The following DOP1A variants were observed in gnomAD, a reference collection of about 807,000 sequenced individuals.
DOP1A encodes the protein DOP1 leucine zipper like protein A, also known as protein DOP1A.
Under a neutral mutation model 267.6 loss-of-function variants are expected in DOP1A, and 90 were observed. The observed-to-expected ratio is 0.34, with a 90% CI of 0.28 to 0.40. DOP1A has a LOEUF of 0.40. Among genes scored for constraint, DOP1A ranks in the 10% least tolerant of loss-of-function variants. The pLI, the probability that DOP1A is intolerant of heterozygous loss-of-function variation, is 1.00. For synonymous variants in DOP1A, 932 were observed against 999.1 expected (o/e 0.93, Z 1.27); for missense variants, 2,437 against 2,900.4 (o/e 0.84, Z 3.67).
chr6:83,086,624 C>T (rs760901651), intron 1 of DOP1A, among the ~76,000 whole-genome samples: 1 of 151,996 alleles, frequency 6.6e-6, no homozygotes, highest in African/African-American at 2.4e-5. Flanking sequence ...GGAAGAGTCC[C>T]GGAAGCCAAA....
At chr6:83,077,935 A>G (rs1005472090) in intron 1 of DOP1A, among the ~76,000 whole-genome samples, 6 of 152,218 alleles carry the variant, frequency 3.9e-5, no homozygotes, top group Non-Finnish European at 8.8e-5. Context: ...GCCACATTCA[A>G]AACTGTTCTG....
intron 35 of DOP1A, among the ~76,000 whole-genome samples, chr6:83,158,060 G>A (rs1265831425): frequency 1.3e-5 from 2 of 151,454 alleles, no homozygotes; most frequent in African/African-American, 2.4e-5. Flanking sequence ...GTGCAGTGGC[G>A]AGATCTCAGC....
intron 1 of DOP1A, among the ~76,000 whole-genome samples, chr6:83,079,075 A>G (rs1476352967): frequency 1.3e-5 from 2 of 152,192 alleles, no homozygotes; most frequent in East Asian, 1.9e-4. Context: ...TTGTCCATCA[A>G]GGGAGTTAAC....
intron 1 of DOP1A, among the ~76,000 whole-genome samples, chr6:83,085,539 A>G (rs1407489196): frequency 6.6e-6 from 1 of 152,226 alleles, no homozygotes; most frequent in Non-Finnish European, 1.5e-5. Flanking sequence ...AGAGTTGACC[A>G]AAGAGATTTT....
intron 15 of DOP1A, among the ~76,000 whole-genome samples, chr6:83,128,183 A>G (rs1777490257): frequency 6.6e-6 from 1 of 152,194 alleles, no homozygotes; most frequent in South Asian, 2.1e-4. Context: ...CAGTCACCCA[A>G]GGAATTCTTA....
intron 16 of DOP1A, 81 bp downstream of exon 16, chr6:83,129,589 G>T: frequency 1.5e-6 from 2 of 1,320,752 alleles, no homozygotes; most frequent in South Asian, 2.4e-5. Context: ...CTCAAAACTG[G>T]GGTTTTTTTA....
At chr6:83,132,112 A>G (rs1223869931) in intron 17 of DOP1A, 64 bp from the exon 18 acceptor site, 9 of 1,556,012 alleles carry the variant, frequency 5.8e-6, no homozygotes, top group Non-Finnish European at 7.9e-6. Flanking sequence ...TGTACCTAAT[A>G]GGAAATATTT....
chr6:83,092,563 C>A lies in DOP1A; in HGVS notation c.-146-4168C>A, dbSNP rs7747837. Among the ~76,000 whole-genome samples the A allele has an allele frequency of 8.1e-3, 942 of 115,922 alleles. 23 individuals are homozygous for A. The highest frequency in any genetic ancestry group is 0.027 in the African/African-American group (846 of 30,820). 76.0% of individuals were successfully genotyped at this position (115,922 alleles called of 152,430 possible). A position where few individuals can be genotyped will look rare whatever the true frequency, so the allele number is the denominator to read the frequency against. On this transcript the variant is annotated intron_variant, in intron 1 of 38. Coordinates refer to ENST00000349129, the MANE Select transcript of DOP1A (RefSeq NM_015018.4). ...AAGGGACAGTAGTGTCCCTCCCCCC[C>A]CCCCCACCATATTCACCAGGGATAT...
At chr6:83,143,652 A>C (rs1469822229) in intron 24 of DOP1A, among the ~76,000 whole-genome samples, 1 of 152,188 alleles carries the variant, frequency 6.6e-6, no homozygotes, top group Non-Finnish European at 1.5e-5. Context: ...AAACAAAGCA[A>C]TATTTTTAGG....
chr6:83,109,177 T>C (rs976383336), intron 5 of DOP1A, 97 bp downstream of exon 5: 8 of 1,077,560 alleles, frequency 7.4e-6, no homozygotes, highest in Admixed American at 2.2e-5. Flanking sequence ...AATGAATTAT[T>C]CTAGACAGTT....
chr6:83,125,566 A>T lies in DOP1A; in HGVS notation c.1552A>T (p.Thr518Ser). 1 of 1,613,830 alleles carries T rather than the reference A, an allele frequency of 6.2e-7. No homozygotes were observed. Among genetic ancestry groups the T allele is most frequent in the Non-Finnish European group, 8.5e-7 (1 of 1,179,796 alleles). Residue 518 changes from threonine (T) to serine (S), a missense_variant, in exon 15 of 39, where the codon ACA (threonine) becomes TCA (serine). By Grantham distance (58) the Thr-to-Ser change is moderately conservative (BLOSUM62 1). Transcript: ENST00000349129. Reference protein sequence around the residue: ...QLLLRMISALTSHLQTLHLSE... With the variant: ...QLLLRMISALSSHLQTLHLSE... ...GCTGCTCAGAATGATTTCTGCCTTG[A>T]CAAGCCATCTCCAGACATTGCACTT...
chr6:83,166,845 G>A (rs1306490885), intron 38 of DOP1A: 2 of 1,001,622 alleles, frequency 2.0e-6, no homozygotes, highest in African/African-American at 3.5e-5. Flanking sequence ...TCTGATCTTA[G>A]AAGGCAAACT....
intron 4 of DOP1A, among the ~76,000 whole-genome samples, chr6:83,102,686 G>T (rs1019697922): frequency 3.3e-5 from 5 of 152,104 alleles, no homozygotes; most frequent in African/African-American, 1.2e-4. Context: ...CATAGTACCA[G>T]TGTAATCTTT....
chr6:83,102,318 T>C (rs921814092), intron 4 of DOP1A, among the ~76,000 whole-genome samples: 9 of 152,258 alleles, frequency 5.9e-5, no homozygotes, highest in African/African-American at 2.2e-4. Context: ...TTCAGAGTTA[T>C]GTCTCATGGT....
chr6:83,100,740 CA>C lies in DOP1A; in HGVS notation c.179del (p.Lys60SerfsTer2). ...ATAATGCAAAGTACCAAGTAGTACC[CA>C]AAAAGCTGACCATAGGCAAACGCCT... ...QNNAKYQVVP[K>X]KLTIGKRLAQ... On this transcript the variant is annotated frameshift_variant, in exon 4 of 39. Coordinates refer to ENST00000349129, the MANE Select transcript of DOP1A (RefSeq NM_015018.4). LOFTEE classifies it high-confidence loss of function. The C allele has an allele frequency of 1.3e-6, 2 of 1,542,092 alleles. No homozygotes were observed. The highest frequency in any genetic ancestry group is 1.9e-5 in the Admixed American group (1 of 51,980).
chr6:83,123,008 A>T (rs1776589648), intron 12 of DOP1A, 26 bp downstream of exon 12: 1 of 1,571,126 alleles, frequency 6.4e-7, no homozygotes, highest in African/African-American at 1.4e-5. Flanking sequence ...ATTCCTTTTA[A>T]TTTCGTAACA....
intron 24 of DOP1A, 90 bp downstream of exon 24, chr6:83,142,136 G>A: frequency 6.8e-7 from 1 of 1,471,476 alleles, no homozygotes; most frequent in South Asian, 1.3e-5. Context: ...GTGGGGCCGG[G>A]GTAGATTCGA....
intron 3 of DOP1A, among the ~76,000 whole-genome samples, chr6:83,099,559 T>G (rs375567955): frequency 1.3e-5 from 2 of 152,128 alleles, no homozygotes; most frequent in East Asian, 1.9e-4. Flanking sequence ...ATAATTAGTT[T>G]TTTAGATTAA....
intron 27 of DOP1A, among the ~76,000 whole-genome samples, chr6:83,150,244 C>T (rs889753718): frequency 3.9e-5 from 6 of 152,088 alleles, no homozygotes; most frequent in African/African-American, 7.2e-5. Flanking sequence ...CATAGTCACA[C>T]GTGCCTGTAG....
Sources: allele counts gnomAD v4.1 joint callset (sites outside exome capture counted in the v4.1 genomes callset), GRCh38; gene constraint gnomAD v4.1.1; transcripts MANE v1.5; gene names NCBI Gene and HGNC (gene_info 2026-07-23, HGNC 2026-07-21).